IL6ST: variants seen among roughly 807,000 people sequenced by gnomAD.
IL6ST encodes the protein interleukin-6 receptor subunit beta.
Under a neutral mutation model 91.3 loss-of-function variants are expected in IL6ST, and 24 were observed. That is an observed-to-expected ratio of 0.26 (90% confidence interval 0.19 to 0.37). IL6ST has a LOEUF of 0.37. IL6ST is among the 10% of genes least tolerant of loss of function. The pLI is 1.00. For missense variants in IL6ST, 914 were observed against 1,078.5 expected (o/e 0.85, Z 2.14); for synonymous variants, 351 against 373.6 (o/e 0.94, Z 0.70).
At chr5:55,953,127 TTC>T (rs943360621) in intron 11 of IL6ST, among the ~76,000 whole-genome samples, 3 of 152,222 alleles carry the variant, frequency 2.0e-5, no homozygotes, top group African/African-American at 7.2e-5. Context: ...ACTAAAATTT[TTC>T]TTATTTATAC....
chr5:55,963,583 GTCCT>G, intron 6 of IL6ST, 77 bp from the exon 7 acceptor site: 4 of 1,019,910 alleles, frequency 3.9e-6, no homozygotes, highest in Non-Finnish European at 5.8e-6. Context: ...TCTTTATATT[GTCCT>G]TCCTTTATTT....
At chr5:55,981,525 C>A (rs1200033206) in intron 2 of IL6ST, among the ~76,000 whole-genome samples, 1 of 152,054 alleles carries the variant, frequency 6.6e-6, no homozygotes, top group African/African-American at 2.4e-5. Context: ...CACCTATAGT[C>A]CCAGCTACTC....
rs1750473009 is a variant in IL6ST, at chr5:55,935,664, T to A, written c.*5418A>T. ...TCTTTGCTTGTAGTCTTTCACTCCA[T>A]TAACTTGCCCAAGCACTGGACTTAA... On this transcript the variant is annotated 3_prime_UTR_variant, in exon 17 of 17. Coordinates refer to ENST00000381298, the MANE Select transcript of IL6ST (RefSeq NM_002184.4). 1.4e-5 allele frequency: 3 copies of A among 219,342 alleles called. No individual in the cohort carries two copies. In the South Asian group the frequency reaches 5.5e-4, roughly 41 times the overall value. The allele number at this position is 219,342 out of a possible 1,614,324, so 13.6% of individuals were successfully genotyped here.
rs1222286287 is a variant in IL6ST at position 55,935,486 on chromosome 5, A to T, written c.*5596T>A. ...CCCTTGATGGAGACAGAACTTTTCT[A>T]TGGAGAACCCAAGCAGCCTTTCCAT... is the stretch of plus-strand genomic sequence containing the variant. On this transcript the variant is annotated 3_prime_UTR_variant, in exon 17 of 17. Coordinates refer to ENST00000381298, the MANE Select transcript of IL6ST (RefSeq NM_002184.4). 5.0e-6 allele frequency: 1 copy of T among 200,058 alleles called. No individual in the cohort carries two copies. Among genetic ancestry groups the T allele is most frequent in the South Asian group, 2.0e-4 (1 of 5,106 alleles). 12.4% of individuals were successfully genotyped at this position (200,058 alleles called of 1,614,324 possible).
intron 1 of IL6ST, among the ~76,000 whole-genome samples, chr5:55,993,351 A>G (rs1020168306): frequency 6.6e-6 from 1 of 152,236 alleles, no homozygotes; most frequent in Non-Finnish European, 1.5e-5. Flanking sequence ...TTCTCTATAA[A>G]GGGGACATTT....
In IL6ST at chr5:55,940,764, T is replaced by A; in HGVS notation, c.*318A>T. 3.1e-6 allele frequency: 1 copy of A among 321,662 alleles called. No individual in the cohort carries two copies. 19.9% of individuals were successfully genotyped at this position (321,662 alleles called of 1,614,324 possible). On this transcript the variant is annotated 3_prime_UTR_variant, in exon 17 of 17. Coordinates refer to ENST00000381298, the MANE Select transcript of IL6ST (RefSeq NM_002184.4). ...CACTGCTTATTATTCAAATACCTTC[T>A]GTTTTCTATGTAGCAAAACAAAAAG...
At chr5:55,992,311 C>T (rs751034712) in intron 1 of IL6ST, among the ~76,000 whole-genome samples, 8 of 152,146 alleles carry the variant, frequency 5.3e-5, no homozygotes, top group Non-Finnish European at 7.3e-5. Flanking sequence ...TCTATCTACT[C>T]GCTGTCGCTC....
At position 55,941,348 on chromosome 5, in the gene IL6ST, A is replaced by G; in HGVS notation, c.2491T>C (p.Phe831Leu). 1.2e-6 allele frequency: 2 copies of G among 1,614,126 alleles called. No homozygotes were observed. The highest frequency in any genetic ancestry group is 1.7e-6 in the Non-Finnish European group (2 of 1,179,998). ...GATGAAACTTGCTTTGACCTTTCAAAATGTGAAATATCTGGACTGGATTCA... is the reference window on the plus strand; with the variant it reads ...GATGAAACTTGCTTTGACCTTTCAAGATGTGAAATATCTGGACTGGATTCA... ...QHESSPDISH[F>L]ERSKQVSSVN... The change falls in exon 17 of 17, where the codon TTT (phenylalanine) becomes CTT (leucine). Residue 831 changes from phenylalanine to leucine, a missense_variant. Coordinates refer to ENST00000381298, the MANE Select transcript of IL6ST (RefSeq NM_002184.4).
At chr5:55,958,708 A>G (rs62363895) in intron 8 of IL6ST, among the ~76,000 whole-genome samples, 36,861 of 151,842 alleles carry the variant, frequency 0.24, 6,975 homozygotes, top group African/African-American at 0.53. Context: ...GCATGGTGAC[A>G]CGTGCCTATA....
chr5:55,937,983 CT>C lies in IL6ST; in HGVS notation c.*3098del, dbSNP rs1750640830. On this transcript the variant is annotated 3_prime_UTR_variant, in exon 17 of 17. Coordinates refer to ENST00000381298, the MANE Select transcript of IL6ST (RefSeq NM_002184.4). Reference sequence around the variant, plus strand: ...AGGGAATTCTATGATTATTCTACTTCTACATTTACATGTCATGGTTTTAACT... The same window carrying C: ...AGGGAATTCTATGATTATTCTACTTCACATTTACATGTCATGGTTTTAACT... The C allele has an allele frequency of 5.2e-6, 1 of 193,434 alleles. No individual in the cohort carries two copies. The highest frequency in any genetic ancestry group is 8.2e-5 in the East Asian group (1 of 12,168). 12.0% of individuals were successfully genotyped at this position (193,434 alleles called of 1,614,324 possible).
intron 15 of IL6ST, among the ~76,000 whole-genome samples, chr5:55,946,041 C>G (rs1041182933): frequency 6.6e-6 from 1 of 152,150 alleles, no homozygotes; most frequent in South Asian, 2.1e-4. Context: ...ATATAAAGCA[C>G]TCTTATAGCT....
intron 1 of IL6ST, among the ~76,000 whole-genome samples, chr5:55,987,899 G>A (rs930935042): frequency 3.9e-5 from 6 of 152,246 alleles, no homozygotes; most frequent in Admixed American, 6.5e-5. Context: ...TTGGGAGGCC[G>A]AGGCAGGTGG....
At position 55,968,804 on chromosome 5, in the gene IL6ST, C is replaced by A. The variant is rs140781990; in HGVS notation, c.371-408G>T. 3.4e-3 allele frequency among the ~76,000 whole-genome samples: 516 copies of A among 152,210 alleles called. 1 individual carries two copies. Among genetic ancestry groups the A allele is most frequent in the African/African-American group, 0.012 (497 of 41,532 alleles). On this transcript the variant is annotated intron_variant, in intron 4 of 16. Coordinates refer to ENST00000381298, the MANE Select transcript of IL6ST (RefSeq NM_002184.4). ...TCTCTTCTTATTGCTTTCCCAAACT[C>A]GTTGGAAGAAAAGCAAATGCCAAAA...
chr5:55,936,337 G>GT lies in IL6ST; in HGVS notation c.*4744dup. ...CCATACTTGGGCTCTTGACAACCAA[G>GT]TAGGTTTTTTTTTTTTTTTTTTTTT... On this transcript the variant is annotated 3_prime_UTR_variant, in exon 17 of 17. Coordinates refer to ENST00000381298, the MANE Select transcript of IL6ST (RefSeq NM_002184.4). 1 of 174,402 alleles carries GT rather than the reference G, an allele frequency of 5.7e-6. No individual in the cohort carries two copies. 10.8% of individuals were successfully genotyped at this position (174,402 alleles called of 1,614,324 possible). A position where few individuals can be genotyped will look rare whatever the true frequency, so the allele number is the denominator to read the frequency against.
intron 8 of IL6ST, 134 bp from the exon 9 acceptor site, chr5:55,957,425 C>A: frequency 2.1e-6 from 1 of 477,074 alleles, no homozygotes; most frequent in South Asian, 4.0e-5. Flanking sequence ...TTTATACCAG[C>A]ATTTTCCCAA....
intron 1 of IL6ST, chr5:55,994,311 T>C (rs1002839136): frequency 2.0e-5 from 3 of 152,134 alleles, no homozygotes; most frequent in Admixed American, 6.6e-5. Flanking sequence ...GAAACGTTAA[T>C]AGTGTTTATA....
In IL6ST at chr5:55,954,772, A is replaced by C. The variant is rs761166413; in HGVS notation, c.1450+38T>G. On this transcript the variant is annotated intron_variant, in intron 11 of 16. Coordinates refer to ENST00000381298, the MANE Select transcript of IL6ST (RefSeq NM_002184.4). Reference sequence around the variant, plus strand: ...AGAAAAAGCTGCCTAAAGAGTTAGAAAAAGGATATCAATTTAGATGTTTCT... The same window carrying C: ...AGAAAAAGCTGCCTAAAGAGTTAGACAAAGGATATCAATTTAGATGTTTCT... 37 of 1,492,914 alleles carry C rather than the reference A, an allele frequency of 2.5e-5. No homozygotes were observed. The South Asian group carries it at 4.7e-4, about 19-fold the overall frequency. 92.5% of individuals were successfully genotyped at this position (1,492,914 alleles called of 1,614,324 possible). A position where few individuals can be genotyped will look rare whatever the true frequency, so the allele number is the denominator to read the frequency against.
chr5:55,946,607 C>T (rs1011875208), intron 15 of IL6ST, among the ~76,000 whole-genome samples: 3 of 151,842 alleles, frequency 2.0e-5, no homozygotes, highest in Admixed American at 1.3e-4. Flanking sequence ...ACTTGAGGTC[C>T]GGAGTTCGAG....
At chr5:55,960,891 A>T (rs751012676) in intron 7 of IL6ST, among the ~76,000 whole-genome samples, 1 of 152,104 alleles carries the variant, frequency 6.6e-6, no homozygotes, top group African/African-American at 2.4e-5. Flanking sequence ...TCGGCCTCCC[A>T]AAGTGCCAGG....
Sources: gnomAD v4.1 joint callset for allele counts (sites outside exome capture counted in the v4.1 genomes callset) on GRCh38, gnomAD v4.1.1 for gene constraint, MANE v1.5 for transcripts, NCBI Gene and HGNC (gene_info 2026-07-23, HGNC 2026-07-21) for gene names.